YTHDF3: variants seen among roughly 807,000 people sequenced by gnomAD.
YTHDF3 encodes the protein YTH domain-containing family protein 3.
YTHDF3 carries 9 observed loss-of-function variants against 52.5 expected under a neutral mutation model. That is an observed-to-expected ratio of 0.17 (90% CI 0.10 to 0.30). The LOEUF (loss-of-function observed/expected upper bound fraction) is 0.30, where lower values mean the gene tolerates loss of function less well. Among genes scored for constraint, YTHDF3 ranks in the 10% least tolerant of loss-of-function variants. The pLI, the probability that YTHDF3 is intolerant of heterozygous loss-of-function variation, is 1.00. For synonymous variants in YTHDF3, 274 were observed against 243.3 expected (o/e 1.13, Z -1.18); for missense variants, 534 against 715.0 (o/e 0.75, Z 2.89).
At chr8:63,192,893 T>A (rs1045540976) in intron 4 of YTHDF3, among the ~76,000 whole-genome samples, 5 of 151,948 alleles carry the variant, frequency 3.3e-5, no homozygotes, top group Non-Finnish European at 7.4e-5. Context: ...ATCTGTCATG[T>A]ATTTAGCTGG....
intron 2 of YTHDF3, among the ~76,000 whole-genome samples, chr8:63,169,783 T>C (rs1184882570): frequency 1.3e-5 from 2 of 152,234 alleles, no homozygotes; most frequent in Non-Finnish European, 2.9e-5. Flanking sequence ...TTGACATGTC[T>C]GGATTACACT....
intron 3 of YTHDF3, among the ~76,000 whole-genome samples, chr8:63,185,566 AAG>A (rs1428523697): frequency 3.9e-5 from 6 of 152,244 alleles, no homozygotes; most frequent in African/African-American, 1.4e-4. Flanking sequence ...GCAAAACAAA[AAG>A]AAATTTGCAT....
In YTHDF3 at chr8:63,173,202, T is replaced by TTATATATATATATATATATATA. The variant is rs545707272; in HGVS notation, c.50-2117_50-2116insTATATATATATATATATATATA. Among the ~76,000 whole-genome samples, 359 of 125,864 alleles carry TTATATATATATATATATATATA rather than the reference T, an allele frequency of 2.9e-3. 8 individuals are homozygous for TTATATATATATATATATATATA. The highest frequency in any genetic ancestry group is 7.1e-3 in the African/African-American group (177 of 24,774). 82.6% of individuals were successfully genotyped at this position (125,864 alleles called of 152,430 possible). A position where few individuals can be genotyped will look rare whatever the true frequency, so the allele number is the denominator to read the frequency against. ...AAAAATAAGAATAACAGGATTATATTTATATATATATACAGATAAATTTTA... is the reference window on the plus strand; with the variant it reads ...AAAAATAAGAATAACAGGATTATATTTATATATATATATATATATATATATATATATATACAGATAAATTTTA... On this transcript the variant is annotated intron_variant, in intron 2 of 4. Transcript: ENST00000539294.
chr8:63,183,475 A>G (rs1265214571), intron 3 of YTHDF3, among the ~76,000 whole-genome samples: 1 of 152,110 alleles, frequency 6.6e-6, no homozygotes, highest in African/African-American at 2.4e-5. Context: ...AATTTTGTCA[A>G]GATTTTTTTC....
At chr8:63,187,770 TG>T in intron 4 of YTHDF3, 25 bp downstream of exon 4, 1 of 1,552,596 alleles carries the variant, frequency 6.4e-7, no homozygotes, top group Non-Finnish European at 8.7e-7. Flanking sequence ...ATTTTTTGTT[TG>T]GGGTCTTTGT....
intron 3 of YTHDF3, among the ~76,000 whole-genome samples, chr8:63,181,454 C>T (rs1465729725): frequency 6.6e-6 from 1 of 152,154 alleles, no homozygotes; most frequent in Non-Finnish European, 1.5e-5. Flanking sequence ...CCAACTTTCT[C>T]CATCTGATTG....
At position 63,182,122 on chromosome 8, in the gene YTHDF3, G is replaced by A. The variant is rs770900648; in HGVS notation, c.136-4025G>A. ...TTTATTCTGTAGCCCATGCTGGAGT[G>A]CAGTAGTGTGATCATAGTTCACTGC... On this transcript the variant is annotated intron_variant, in intron 3 of 4. Coordinates refer to ENST00000539294, the MANE Select transcript of YTHDF3 (RefSeq NM_152758.6). 3.0e-4 allele frequency among the ~76,000 whole-genome samples: 46 copies of A among 151,668 alleles called. 1 individual carries two copies. In the Middle Eastern group the frequency reaches 0.031, roughly 102 times the overall value.
rs1252518797 is a variant in YTHDF3, at chr8:63,168,723, C to T, written c.-155C>T. 2 of 1,455,716 alleles carry T rather than the reference C, an allele frequency of 1.4e-6. No homozygotes were observed. Among genetic ancestry groups the T allele is most frequent in the Non-Finnish European group, 1.9e-6 (2 of 1,070,502 alleles). The allele number at this position is 1,455,716 out of a possible 1,614,324, so 90.2% of individuals were successfully genotyped here. On this transcript the variant is annotated 5_prime_UTR_variant, in exon 1 of 5. Coordinates refer to ENST00000539294, the MANE Select transcript of YTHDF3 (RefSeq NM_152758.6). Reference sequence around the variant, plus strand: ...AAGACGGGCCTCTTCCTCCGACTCCCGAGCGCGAGGCCCTCATTTTGGGTT... The same window carrying T: ...AAGACGGGCCTCTTCCTCCGACTCCTGAGCGCGAGGCCCTCATTTTGGGTT...
intron 4 of YTHDF3, among the ~76,000 whole-genome samples, chr8:63,205,189 C>T (rs1169934413): frequency 6.6e-6 from 1 of 152,128 alleles, no homozygotes. Context: ...TCAAGAGATT[C>T]AGCCCTCAAA....
intron 3 of YTHDF3, among the ~76,000 whole-genome samples, chr8:63,180,221 G>A (rs1219621046): frequency 1.3e-5 from 2 of 151,524 alleles, no homozygotes; most frequent in African/African-American, 4.9e-5. Flanking sequence ...TCTCAGACGG[G>A]GCGGTTGCCA....
intron 4 of YTHDF3, 28 bp from the exon 5 acceptor site, chr8:63,209,655 T>G (rs763261500): frequency 7.8e-5 from 120 of 1,541,732 alleles, no homozygotes; most frequent in Middle Eastern, 1.7e-4. Flanking sequence ...GTAATTCTTT[T>G]TGTGTGTGTG....
intron 4 of YTHDF3, among the ~76,000 whole-genome samples, chr8:63,190,650 T>C (rs1020450091): frequency 6.6e-5 from 10 of 152,200 alleles, no homozygotes; most frequent in African/African-American, 2.4e-4. Context: ...GAATCAAATG[T>C]AGCCAACTGT....
chr8:63,173,182 TAAG>T (rs930395705), intron 2 of YTHDF3, among the ~76,000 whole-genome samples: 4 of 107,918 alleles, frequency 3.7e-5, no homozygotes, highest in African/African-American at 2.3e-4. Context: ...ACAAAAAAAA[TAAG>T]AATAACAGGA....
intron 2 of YTHDF3, among the ~76,000 whole-genome samples, chr8:63,170,310 A>G (rs548828271): frequency 1.3e-5 from 2 of 152,300 alleles, no homozygotes; most frequent in South Asian, 4.1e-4. Flanking sequence ...CCTTTTAGAT[A>G]TAGATTGTCT....
chr8:63,208,858 TTTGTTGTTG>T (rs374044131), intron 4 of YTHDF3, among the ~76,000 whole-genome samples: 100 of 151,924 alleles, frequency 6.6e-4, no homozygotes, highest in Middle Eastern at 3.4e-3. Flanking sequence ...ACTCATCTTT[TTTGTTGTTG>T]TTGTTGTTGT....
At chr8:63,203,519 A>G (rs1353190851) in intron 4 of YTHDF3, among the ~76,000 whole-genome samples, 1 of 152,234 alleles carries the variant, frequency 6.6e-6, no homozygotes, top group African/African-American at 2.4e-5. Flanking sequence ...TTCAGAGATT[A>G]CAGGGAATTT....
In YTHDF3 at chr8:63,175,390, C is replaced by G; in HGVS notation, c.109C>G (p.Pro37Ala). Residue 37 changes from proline (P) to alanine (A), a missense_variant, in exon 3 of 5, where the codon CCA (proline) becomes GCA (alanine). By Grantham distance (27) the Pro-to-Ala change is conservative (BLOSUM62 -1). This residue lies in a region of YTHDF3 where 196 missense variants were observed against 299.5 expected (regional missense o/e 0.65). Transcript: ENST00000539294. ...KDAVNDDDFE[P>A]YLSSQTNQSN... is the part of the protein sequence containing the mutation. ...TGCTGTAAATGATGATGATTTTGAG[C>G]CATACTTAAGTAGCCAGACAAATCA... 6.2e-7 allele frequency: 1 copy of G among 1,611,482 alleles called. No homozygotes were observed. Among genetic ancestry groups the G allele is most frequent in the East Asian group, 2.2e-5 (1 of 44,708 alleles).
intron 4 of YTHDF3, among the ~76,000 whole-genome samples, chr8:63,197,297 G>C (rs929284248): frequency 6.6e-6 from 1 of 152,150 alleles, no homozygotes; most frequent in Non-Finnish European, 1.5e-5. Flanking sequence ...AAGTATGAAT[G>C]TGTAGAATTT....
chr8:63,177,770 T>C (rs908524206), intron 3 of YTHDF3, among the ~76,000 whole-genome samples: 1 of 151,970 alleles, frequency 6.6e-6, no homozygotes, highest in Admixed American at 6.6e-5. Context: ...TTTTTTTTTT[T>C]TTTTTGAAAC....
Sources: gnomAD v4.1 joint callset for allele counts (sites outside exome capture counted in the v4.1 genomes callset) on GRCh38, gnomAD v4.1.1 for gene constraint, gnomAD v4.1.1 regional missense constraint, MANE v1.5 for transcripts, NCBI Gene and HGNC (gene_info 2026-07-23, HGNC 2026-07-21) for gene names.